Variants in TMDD1 observed in about 807,000 individuals in gnomAD.
TMDD1 encodes the protein transmembrane and death domain protein 1.
At position 51,814,571 on chromosome 12, in the gene TMDD1, T is replaced by A. The variant is rs1592180455; in HGVS notation, c.323A>T (p.Asp108Val). ...GGCCGCCAGCGCCTCCCGGCAGCCG[T>A]CGGACACCTCTCCAGGCCCGGCTAC... is the stretch of plus-strand genomic sequence containing the variant. Reference protein sequence around the residue: ...GRVAGPGEVSDGCREALAAWL... With the variant: ...GRVAGPGEVSVGCREALAAWL... Residue 108 changes from aspartate (D) to valine (V), a missense_variant, in exon 1 of 1, where the codon GAC (aspartate) becomes GTC (valine). Coordinates refer to ENST00000642069, the MANE Select transcript of TMDD1 (RefSeq NM_001386737.1). 1 of 396,042 alleles carries A rather than the reference T, an allele frequency of 2.5e-6. No homozygotes were observed. Among genetic ancestry groups the A allele is most frequent in the Non-Finnish European group, 4.5e-6 (1 of 224,570 alleles). 24.5% of individuals were successfully genotyped at this position (396,042 alleles called of 1,614,324 possible).
At position 51,814,534 on chromosome 12, in the gene TMDD1, G is replaced by A. The variant is rs1037026951; in HGVS notation, c.360C>T (p.Pro120=). ...GGTCCCAGGACAGGGACGCGGCCTG[G>A]GGGGCCAGCCAGGCCGCCAGCGCCT... ...CREALAAWLA[P]QAASLSWDRL... is the part of the protein sequence containing the mutation. Residue 120 remains proline (P), a synonymous_variant, in exon 1 of 1, where the codon CCC becomes CCT. Transcript: ENST00000642069. The A allele has an allele frequency of 2.8e-5, 11 of 391,996 alleles. No individual in the cohort carries two copies. The highest frequency in any genetic ancestry group is 4.5e-5 in the Admixed American group (1 of 22,456). 24.3% of individuals were successfully genotyped at this position (391,996 alleles called of 1,614,324 possible). A position where few individuals can be genotyped will look rare whatever the true frequency, so the allele number is the denominator to read the frequency against.
Position 51,814,238 on chromosome 12 carries a change from A to C in TMDD1, c.656T>G (p.Leu219Arg). ...ERSPMGWAGP[L>R]ALGLLTGFVG... ...GAAGCCGGTGAGGAGGCCGAGCGCC[A>C]GCGGCCCCGCCCAACCCATGGGGCT... The change falls in exon 1 of 1, where the codon CTG becomes CGG. Residue 219 changes from leucine (L) to arginine (R), a missense_variant. Coordinates refer to ENST00000642069, the MANE Select transcript of TMDD1 (RefSeq NM_001386737.1). 2.5e-6 allele frequency: 1 copy of C among 396,272 alleles called. No individual in the cohort carries two copies. The highest frequency in any genetic ancestry group is 4.5e-6 in the Non-Finnish European group (1 of 224,572). 24.5% of individuals were successfully genotyped at this position (396,272 alleles called of 1,614,324 possible). A position where few individuals can be genotyped will look rare whatever the true frequency, so the allele number is the denominator to read the frequency against.
Position 51,814,759 on chromosome 12 carries a change from G to A in TMDD1, c.135C>T (p.Cys45=). The A allele has an allele frequency of 2.5e-6, 1 of 398,246 alleles. No individual in the cohort carries two copies. The highest frequency in any genetic ancestry group is 4.4e-6 in the Non-Finnish European group (1 of 225,764). The allele number at this position is 398,246 out of a possible 1,614,324, so 24.7% of individuals were successfully genotyped here. Residue 45 remains cysteine (C), a synonymous_variant, in exon 1 of 1, where the codon TGC becomes TGT. Coordinates refer to ENST00000642069, the MANE Select transcript of TMDD1 (RefSeq NM_001386737.1). The stretch of plus-strand genomic sequence containing the variant: ...CCTCCAGGAGCGACCGGAAATGGCC[G>A]CACTCCTCCGGGGTCAGCAGCTCGG... ...RLAELLTPEE[C]GHFRSLLEAP... is the part of the protein sequence containing the mutation.
rs969825134 is a variant in TMDD1 at position 51,814,051 on chromosome 12, C to T, written c.843G>A (p.Pro281=). The stretch of plus-strand genomic sequence containing the variant: ...CTGGCCCATCTGCAGCCCAGGCCCC[C>T]GGGGGCGCGCGCCGCTCTTTAGGAA... The part of the protein sequence containing the change: ...LLLPKERRAP[P]GAWAADGPDS... The change falls in exon 1 of 1, where the codon CCG becomes CCA. Residue 281 remains proline, a synonymous_variant. Coordinates refer to ENST00000642069, the MANE Select transcript of TMDD1 (RefSeq NM_001386737.1). The T allele has an allele frequency of 3.0e-5, 12 of 399,736 alleles. No individual in the cohort carries two copies. Among genetic ancestry groups the T allele is most frequent in the African/African-American group, 2.5e-4 (12 of 48,668 alleles). 24.8% of individuals were successfully genotyped at this position (399,736 alleles called of 1,614,324 possible). A position where few individuals can be genotyped will look rare whatever the true frequency, so the allele number is the denominator to read the frequency against.
Position 51,814,372 on chromosome 12 carries a change from G to T in TMDD1, c.522C>A (p.Arg174=). Residue 174 remains arginine (R), a synonymous_variant, in exon 1 of 1, where the codon CGC becomes CGA. Transcript: ENST00000642069. ...GGCGCGGGGCCGGGGCAAAGGGCAC[G>T]CGGGCGGCGGCGCCGGGCCGCGGCA... is the stretch of plus-strand genomic sequence containing the variant. ...RFLPRPGAAA[R]VPFAPAPRPR... The T allele has an allele frequency of 2.8e-6, 1 of 355,462 alleles. No individual in the cohort carries two copies. The highest frequency in any genetic ancestry group is 2.1e-5 in the African/African-American group (1 of 46,878). 22.0% of individuals were successfully genotyped at this position (355,462 alleles called of 1,614,324 possible).
rs1340257353 is a variant in TMDD1, at chr12:51,814,810, C to T, written c.84G>A (p.Met28Ile). The T allele has an allele frequency of 5.0e-6, 2 of 398,246 alleles. No individual in the cohort carries two copies. The highest frequency in any genetic ancestry group is 4.4e-6 in the Non-Finnish European group (1 of 225,878). 24.7% of individuals were successfully genotyped at this position (398,246 alleles called of 1,614,324 possible). The change falls in exon 1 of 1, where the codon ATG (methionine) becomes ATA (isoleucine). Residue 28 changes from methionine to isoleucine, a missense_variant. Coordinates refer to ENST00000642069, the MANE Select transcript of TMDD1 (RefSeq NM_001386737.1). ...CCAGACGGACGGCTGCGTGAGGGCC[C>T]ATAGCGTCCACGGCCCCCGCCGGAG... ...ALAPAGAVDA[M>I]GPHAAVRLAE...
chr12:51,814,404 G>A lies in TMDD1; in HGVS notation c.490C>T (p.Arg164Cys). 1 of 365,504 alleles carries A rather than the reference G, an allele frequency of 2.7e-6. No homozygotes were observed. Among genetic ancestry groups the A allele is most frequent in the East Asian group, 4.0e-5 (1 of 25,104 alleles). The allele number at this position is 365,504 out of a possible 1,614,324, so 22.6% of individuals were successfully genotyped here. A position where few individuals can be genotyped will look rare whatever the true frequency, so the allele number is the denominator to read the frequency against. ...GCGGCGCCGGGCCGCGGCAGGAAGC[G>A]CTGCCCGAACTTGCGCAGCTGCAGC... ...ATLQLRKFGQ[R>C]FLPRPGAAAR... Residue 164 changes from arginine (R) to cysteine (C), a missense_variant, in exon 1 of 1, where the codon CGC becomes TGC. Coordinates refer to ENST00000642069, the MANE Select transcript of TMDD1 (RefSeq NM_001386737.1).
In TMDD1 at chr12:51,814,240, C is replaced by G; in HGVS notation, c.654G>C (p.Pro218=). The change falls in exon 1 of 1, where the codon CCG becomes CCC. Residue 218 remains proline (P), a synonymous_variant. Transcript: ENST00000642069. ...AGCCGGTGAGGAGGCCGAGCGCCAG[C>G]GGCCCCGCCCAACCCATGGGGCTCC... ...YERSPMGWAG[P]LALGLLTGFV... is the part of the protein sequence containing the mutation. The G allele has an allele frequency of 2.5e-6, 1 of 396,234 alleles. No individual in the cohort carries two copies. Among genetic ancestry groups the G allele is most frequent in the Non-Finnish European group, 4.5e-6 (1 of 224,504 alleles). 24.5% of individuals were successfully genotyped at this position (396,234 alleles called of 1,614,324 possible).
chr12:51,814,748 C>A lies in TMDD1; in HGVS notation c.146G>T (p.Arg49Leu). Residue 49 changes from arginine (R) to leucine (L), a missense_variant, in exon 1 of 1, where the codon CGG becomes CTG. Coordinates refer to ENST00000642069, the MANE Select transcript of TMDD1 (RefSeq NM_001386737.1). ...LLTPEECGHF[R>L]SLLEAPEPDV... is the part of the protein sequence containing the mutation. ...GGGCTCGGGCGCCTCCAGGAGCGAC[C>A]GGAAATGGCCGCACTCCTCCGGGGT... The A allele has an allele frequency of 2.5e-6, 1 of 398,250 alleles. No individual in the cohort carries two copies. The allele number at this position is 398,250 out of a possible 1,614,324, so 24.7% of individuals were successfully genotyped here. A position where few individuals can be genotyped will look rare whatever the true frequency, so the allele number is the denominator to read the frequency against.
rs1404668929 is a variant in TMDD1, at chr12:51,814,918, G to A, written c.-25C>T. 4 of 398,168 alleles carry A rather than the reference G, an allele frequency of 1.0e-5. No homozygotes were observed. Among genetic ancestry groups the A allele is most frequent in the African/African-American group, 4.1e-5 (2 of 48,640 alleles). 24.7% of individuals were successfully genotyped at this position (398,168 alleles called of 1,614,324 possible). A position where few individuals can be genotyped will look rare whatever the true frequency, so the allele number is the denominator to read the frequency against. ...TCCCTGGCGGGAACCAGGGACCGAG[G>A]ACTGTGCGGGGACGGGGACGTGGAC... is the stretch of plus-strand genomic sequence containing the variant. On this transcript the variant is annotated 5_prime_UTR_variant, in exon 1 of 1. Transcript: ENST00000642069.
In TMDD1 at chr12:51,814,227, G is replaced by C. The variant is rs1249783012; in HGVS notation, c.667C>G (p.Leu223Val). 1 of 396,702 alleles carries C rather than the reference G, an allele frequency of 2.5e-6. No individual in the cohort carries two copies. Among genetic ancestry groups the C allele is most frequent in the Non-Finnish European group, 4.4e-6 (1 of 224,944 alleles). The allele number at this position is 396,702 out of a possible 1,614,324, so 24.6% of individuals were successfully genotyped here. ...AGCGCCCCCACGAAGCCGGTGAGGA[G>C]GCCGAGCGCCAGCGGCCCCGCCCAA... is the stretch of plus-strand genomic sequence containing the variant. ...MGWAGPLALG[L>V]LTGFVGALGT... Residue 223 changes from leucine to valine, a missense_variant, in exon 1 of 1, where the codon CTC (leucine) becomes GTC (valine). Leu to Val is a conservative substitution (Grantham distance 32). Transcript: ENST00000642069.
In TMDD1 at chr12:51,814,019, G is replaced by T; in HGVS notation, c.875C>A (p.Pro292His). 1 of 400,210 alleles carries T rather than the reference G, an allele frequency of 2.5e-6. No homozygotes were observed. 24.8% of individuals were successfully genotyped at this position (400,210 alleles called of 1,614,324 possible). A position where few individuals can be genotyped will look rare whatever the true frequency, so the allele number is the denominator to read the frequency against. The change falls in exon 1 of 1, where the codon CCC (proline) becomes CAC (histidine). Residue 292 changes from proline (P) to histidine (H), a missense_variant. Physicochemically the swap from Pro to His is moderately conservative, Grantham distance 77. Coordinates refer to ENST00000642069, the MANE Select transcript of TMDD1 (RefSeq NM_001386737.1). ...GAWAADGPDS[P>H]SPHSALALSC... ...GAGGGCAAGGGCACTGTGAGGTGAG[G>T]GAGAATCTGGCCCATCTGCAGCCCA...
At position 51,814,022 on chromosome 12, in the gene TMDD1, G is replaced by T; in HGVS notation, c.872C>A (p.Ser291Tyr). The T allele has an allele frequency of 2.5e-6, 1 of 400,128 alleles. No individual in the cohort carries two copies. The highest frequency in any genetic ancestry group is 4.4e-6 in the Non-Finnish European group (1 of 227,302). The allele number at this position is 400,128 out of a possible 1,614,324, so 24.8% of individuals were successfully genotyped here. ...PGAWAADGPDSPSPHSALALS... is the reference protein window; with the variant it reads ...PGAWAADGPDYPSPHSALALS... ...GGCAAGGGCACTGTGAGGTGAGGGA[G>T]AATCTGGCCCATCTGCAGCCCAGGC... Residue 291 changes from serine (S) to tyrosine (Y), a missense_variant, in exon 1 of 1, where the codon TCT (serine) becomes TAT (tyrosine). Coordinates refer to ENST00000642069, the MANE Select transcript of TMDD1 (RefSeq NM_001386737.1).
Position 51,813,925 on chromosome 12 carries a change from G to A in TMDD1, c.*15C>T, listed in dbSNP as rs1379826150. The A allele has an allele frequency of 2.0e-5, 8 of 397,206 alleles. No individual in the cohort carries two copies. The highest frequency in any genetic ancestry group is 3.5e-5 in the Non-Finnish European group (8 of 225,958). The allele number at this position is 397,206 out of a possible 1,614,324, so 24.6% of individuals were successfully genotyped here. A position where few individuals can be genotyped will look rare whatever the true frequency, so the allele number is the denominator to read the frequency against. The stretch of plus-strand genomic sequence containing the variant: ...GGATTAACAAACTCTCTGCTCTTTC[G>A]GTATTTCTTAACGTTTATAAACCGT... On this transcript the variant is annotated 3_prime_UTR_variant, in exon 1 of 1. Transcript: ENST00000642069.
chr12:51,814,591 G>A lies in TMDD1; in HGVS notation c.303C>T (p.Ala101=). ...AGCCGTCGGACACCTCTCCAGGCCC[G>A]GCTACCCTGCCCGCCGGGTCCTCGG... ...EAAEDPAGRV[A]GPGEVSDGCR... is the part of the protein sequence containing the mutation. Residue 101 remains alanine, a synonymous_variant, in exon 1 of 1, where the codon GCC becomes GCT. Transcript: ENST00000642069. 1 of 397,340 alleles carries A rather than the reference G, an allele frequency of 2.5e-6. No homozygotes were observed. The highest frequency in any genetic ancestry group is 1.3e-4 in the South Asian group (1 of 7,844). The allele number at this position is 397,340 out of a possible 1,614,324, so 24.6% of individuals were successfully genotyped here.
rs1235857224 is a variant in TMDD1 at position 51,814,856 on chromosome 12, G to T, written c.38C>A (p.Thr13Lys). Reference protein sequence around the residue: ...ARTLASALVLTLWVWALAPAG... With the variant: ...ARTLASALVLKLWVWALAPAG... ...CGGAGCCAGCGCCCAAACCCAGAGCGTGAGGACCAAGGCGCTCGCCAGAGT... is the reference window on the plus strand; with the variant it reads ...CGGAGCCAGCGCCCAAACCCAGAGCTTGAGGACCAAGGCGCTCGCCAGAGT... Residue 13 changes from threonine to lysine, a missense_variant, in exon 1 of 1, where the codon ACG (threonine) becomes AAG (lysine). Thr to Lys is a moderately conservative substitution (Grantham distance 78). Transcript: ENST00000642069. 4 of 398,420 alleles carry T rather than the reference G, an allele frequency of 1.0e-5. No homozygotes were observed. Among genetic ancestry groups the T allele is most frequent in the Non-Finnish European group, 1.8e-5 (4 of 225,932 alleles). The allele number at this position is 398,420 out of a possible 1,614,324, so 24.7% of individuals were successfully genotyped here.
At position 51,814,660 on chromosome 12, in the gene TMDD1, G is replaced by A. The variant is rs537919998; in HGVS notation, c.234C>T (p.Asn78=). ...EDRLARPEPL[N]TTSGSPSRRR... ...GCCGGCTCGGAGACCCCGACGTGGT[G>A]TTGAGCGGCTCAGGCCGCGCCAGCC... The change falls in exon 1 of 1, where the codon AAC becomes AAT. Residue 78 remains asparagine (N), a synonymous_variant. Transcript: ENST00000642069. 1.9e-3 allele frequency: 762 copies of A among 398,366 alleles called. 5 individuals carry two copies. Among genetic ancestry groups the A allele is most frequent in the African/African-American group, 0.014 (698 of 48,746 alleles). The allele number at this position is 398,366 out of a possible 1,614,324, so 24.7% of individuals were successfully genotyped here.
rs530256688 is a variant in TMDD1 at position 51,814,624 on chromosome 12, TCGCCGC to T, written c.264_269del (p.Arg89_Arg90del). On this transcript the variant is annotated inframe_deletion, in exon 1 of 1. Transcript: ENST00000642069. ...TGCCCGCCGGGTCCTCGGCCGCCTC[TCGCCGC>T]CGCCGCCGGCTCGGAGACCCCGACG... The T allele has an allele frequency of 2.5e-6, 1 of 397,584 alleles. No homozygotes were observed. The highest frequency in any genetic ancestry group is 4.4e-6 in the Non-Finnish European group (1 of 225,618). The allele number at this position is 397,584 out of a possible 1,614,324, so 24.6% of individuals were successfully genotyped here. A position where few individuals can be genotyped will look rare whatever the true frequency, so the allele number is the denominator to read the frequency against.
Position 51,814,772 on chromosome 12 carries a change from G to T in TMDD1, c.122C>A (p.Thr41Asn). 2.5e-6 allele frequency: 1 copy of T among 398,276 alleles called. No individual in the cohort carries two copies. The allele number at this position is 398,276 out of a possible 1,614,324, so 24.7% of individuals were successfully genotyped here. ...HAAVRLAELL[T>N]PEECGHFRSL... is the part of the protein sequence containing the mutation. ...CCGGAAATGGCCGCACTCCTCCGGG[G>T]TCAGCAGCTCGGCCAGACGGACGGC... is the stretch of plus-strand genomic sequence containing the variant. Residue 41 changes from threonine (T) to asparagine (N), a missense_variant, in exon 1 of 1, where the codon ACC (threonine) becomes AAC (asparagine). By Grantham distance (65) the Thr-to-Asn change is moderately conservative (BLOSUM62 0). Transcript: ENST00000642069.
Sources: gnomAD v4.1 joint callset for allele counts on GRCh38, gnomAD v4.1.1 for gene constraint, MANE v1.5 for transcripts, NCBI Gene and HGNC (gene_info 2026-07-23, HGNC 2026-07-21) for gene names.